Variants in NOSTRIN observed in about 807,000 individuals in gnomAD.
NOSTRIN encodes the protein nitric oxide synthase trafficking, also known as BM247 homolog.
A neutral mutation model predicts 59.0 loss-of-function variants in NOSTRIN; 63 were observed. The ratio of observed to expected loss-of-function variants is 1.07; its 90% CI spans 0.87 to 1.32. The LOEUF (loss-of-function observed/expected upper bound fraction) is 1.32. NOSTRIN is among the 40% of genes most tolerant of loss of function. NOSTRIN has a pLI of 0.00. For missense variants in NOSTRIN, 512 were observed against 473.1 expected, an observed-to-expected ratio of 1.08 and a Z score of -0.76; for synonymous variants, 200 against 165.4, an observed-to-expected ratio of 1.21 and a Z score of -1.61.
chr2:168,831,361 T>G, intron 5 of NOSTRIN, 111 bp from the exon 6 acceptor site: 7 of 657,690 alleles, frequency 1.1e-5, no homozygotes, highest in Non-Finnish European at 1.4e-5. Context: ...TACCATCACA[T>G]TGAGGGAATA....
At chr2:168,834,155 C>A in intron 6 of NOSTRIN, 72 bp from the exon 7 acceptor site, 1 of 784,598 alleles carries the variant, frequency 1.3e-6, no homozygotes, top group South Asian at 1.5e-5. Context: ...TGCTTTGTTC[C>A]AAAAGAGGAG....
intron 7 of NOSTRIN, among the ~76,000 whole-genome samples, chr2:168,838,384 C>T (rs1478932784): frequency 2.0e-5 from 3 of 152,154 alleles, no homozygotes; most frequent in African/African-American, 4.8e-5. Context: ...GGAGTACAGG[C>T]GTGCGCCATC....
rs186550719 is a variant in NOSTRIN, at chr2:168,821,085, T to C, written c.114-3549T>C. ...ACAATAATCATATTAGAAGAATTAA[T>C]ATTTATTAAGGATGATTTTTGTGCC... On this transcript the variant is annotated intron_variant, in intron 2 of 15. Coordinates refer to ENST00000317647, the MANE Select transcript of NOSTRIN (RefSeq NM_001039724.4). Among the ~76,000 whole-genome samples, 8 of 152,348 alleles carry C rather than the reference T, an allele frequency of 5.3e-5. No individual in the cohort carries two copies. In the East Asian group the frequency reaches 1.5e-3, roughly 29 times the overall value.
upstream of NOSTRIN, among the ~76,000 whole-genome samples, chr2:168,793,592 C>G (rs1406789746): frequency 6.6e-6 from 1 of 152,150 alleles, no homozygotes; most frequent in Non-Finnish European, 1.5e-5. Context: ...GCCTGAGTGA[C>G]AGAGTGAGAC....
At chr2:168,837,395 C>T (rs1007210108) in intron 7 of NOSTRIN, among the ~76,000 whole-genome samples, 114 of 145,818 alleles carry the variant, frequency 7.8e-4, no homozygotes, top group Middle Eastern at 3.8e-3. Context: ...CTGCAAGCTC[C>T]GCCTTCTGGG....
chr2:168,789,343 T>G (rs935232784), intron 2 of NOSTRIN, among the ~76,000 whole-genome samples: 3 of 152,216 alleles, frequency 2.0e-5, no homozygotes, highest in African/African-American at 7.2e-5. Context: ...TCCACATGGA[T>G]GGGGAGACCT....
At chr2:168,863,534 T>G (rs1412636764) in intron 15 of NOSTRIN, 1 of 985,256 alleles carries the variant, frequency 1.0e-6, no homozygotes, top group East Asian at 1.1e-4. Flanking sequence ...TCTTGTCCAA[T>G]TCTCTATGGA....
chr2:168,865,210 G>C lies in NOSTRIN; in HGVS notation c.*240G>C, dbSNP rs1689791927. ...TCCTAGAGGAGTTTCCAAATTCTAG[G>C]AGACCCTAGAGATGATCCAGTATAA... On this transcript the variant is annotated 3_prime_UTR_variant, in exon 16 of 16. Coordinates refer to ENST00000317647, the MANE Select transcript of NOSTRIN (RefSeq NM_001039724.4). 2.2e-6 allele frequency: 1 copy of C among 462,152 alleles called. No individual in the cohort carries two copies. The highest frequency in any genetic ancestry group is 3.9e-6 in the Non-Finnish European group (1 of 259,290). 28.6% of individuals were successfully genotyped at this position (462,152 alleles called of 1,614,324 possible). A position where few individuals can be genotyped will look rare whatever the true frequency, so the allele number is the denominator to read the frequency against.
chr2:168,798,266 A>G (rs1024931846), upstream of NOSTRIN: 2 of 152,162 alleles, frequency 1.3e-5, no homozygotes, highest in Admixed American at 6.5e-5. Context: ...AAAGTATTTA[A>G]CTAGGTCTCA....
chr2:168,800,818 C>A (rs552525305), upstream of NOSTRIN, among the ~76,000 whole-genome samples: 1 of 150,004 alleles, frequency 6.7e-6, no homozygotes, highest in Admixed American at 6.7e-5. Flanking sequence ...ACAAGTTTAT[C>A]TAAAATCTCT....
intron 2 of NOSTRIN, among the ~76,000 whole-genome samples, chr2:168,816,413 C>T (rs78309881): frequency 0.016 from 2,507 of 152,112 alleles, 68 homozygotes; most frequent in African/African-American, 0.057. Context: ...TCTCTCTTTC[C>T]GTCTCCCCAT....
chr2:168,856,270 CA>C (rs2105776404), intron 11 of NOSTRIN: 1 of 227,688 alleles, frequency 4.4e-6, no homozygotes, highest in South Asian at 5.9e-5. Context: ...GAGACTCCCT[CA>C]GCCATTTAAG....
At chr2:168,789,449 A>G (rs572983191) in intron 2 of NOSTRIN, among the ~76,000 whole-genome samples, 7 of 152,328 alleles carry the variant, frequency 4.6e-5, no homozygotes, top group South Asian at 2.1e-4. Context: ...ATCAGATCTC[A>G]TGAGACTTAT....
intron 2 of NOSTRIN, among the ~76,000 whole-genome samples, chr2:168,818,650 T>A (rs893705770): frequency 2.6e-5 from 4 of 152,208 alleles, no homozygotes; most frequent in Middle Eastern, 3.2e-3. Flanking sequence ...ATCTCTCTTT[T>A]CTTTCAAAAA....
intron 6 of NOSTRIN, among the ~76,000 whole-genome samples, chr2:168,832,606 AGGACAT>A (rs1479196989): frequency 6.6e-6 from 1 of 152,226 alleles, no homozygotes; most frequent in Non-Finnish European, 1.5e-5. Flanking sequence ...CATAAGACCA[AGGACAT>A]TAATAAAAAG....
At chr2:168,863,767 G>A (rs577480826) in intron 15 of NOSTRIN, 43 of 513,706 alleles carry the variant, frequency 8.4e-5, no homozygotes, top group Admixed American at 1.3e-4. Context: ...ACTTATAGCA[G>A]CCAACACGCC....
At chr2:168,795,444 A>G (rs529013104), upstream of NOSTRIN, among the ~76,000 whole-genome samples, 11 of 152,346 alleles carry the variant, frequency 7.2e-5, no homozygotes, top group African/African-American at 2.6e-4. Context: ...GATCACAGCT[A>G]TAGGATGACT....
intron 13 of NOSTRIN, 24 bp from the exon 14 acceptor site, chr2:168,860,771 T>C (rs1574342704): frequency 2.9e-6 from 4 of 1,380,710 alleles, no homozygotes; most frequent in African/African-American, 1.4e-5. Context: ...TTACAAAATA[T>C]GACTTTTTAT....
intron 1 of NOSTRIN, among the ~76,000 whole-genome samples, chr2:168,787,547 C>T (rs1308236849): frequency 6.6e-6 from 1 of 152,234 alleles, no homozygotes; most frequent in African/African-American, 2.4e-5. Flanking sequence ...ACACTTATCA[C>T]ACGGCCTTCC....
Sources: allele counts gnomAD v4.1 joint callset (sites outside exome capture counted in the v4.1 genomes callset), GRCh38; gene constraint gnomAD v4.1.1; transcripts MANE v1.5; gene names NCBI Gene and HGNC (gene_info 2026-07-23, HGNC 2026-07-21).